ZNF385D: variants seen among roughly 807,000 people sequenced by gnomAD.
ZNF385D encodes zinc finger protein 385D, also known as zinc finger protein 659.
A neutral mutation model predicts 35.8 loss-of-function variants in ZNF385D; 15 were observed. The observed-to-expected ratio is 0.42, with a 90% confidence interval of 0.28 to 0.64. The LOEUF (loss-of-function observed/expected upper bound fraction) is 0.64. ZNF385D is among the 30% of genes least tolerant of loss of function. The pLI is 0.23. For synonymous variants in ZNF385D, 212 were observed against 186.8 expected, an observed-to-expected ratio of 1.13 and a Z score of -1.10; for missense variants, 474 against 494.6, an observed-to-expected ratio of 0.96 and a Z score of 0.39.
intron 3 of ZNF385D, among the ~76,000 whole-genome samples, chr3:22,050,522 C>A (rs1380651078): frequency 1.3e-5 from 2 of 152,234 alleles, no homozygotes; most frequent in East Asian, 3.9e-4. Context: ...TTTGGTTGTT[C>A]TTTATTGGTC....
At chr3:22,123,600 C>T (rs145777898) in intron 3 of ZNF385D, among the ~76,000 whole-genome samples, 2 of 152,164 alleles carry the variant, frequency 1.3e-5, no homozygotes, top group African/African-American at 4.8e-5. Flanking sequence ...TGGCTGACGC[C>T]TTTAATCCCA....
intron 3 of ZNF385D, among the ~76,000 whole-genome samples, chr3:22,098,279 T>C (rs1244188497): frequency 1.3e-5 from 2 of 152,086 alleles, no homozygotes; most frequent in Admixed American, 6.6e-5. Flanking sequence ...ACCATTCAAG[T>C]TGACTTTATT....
intron 3 of ZNF385D, among the ~76,000 whole-genome samples, chr3:21,860,398 T>C (rs1475666401): frequency 6.6e-6 from 1 of 152,110 alleles, no homozygotes; most frequent in African/African-American, 2.4e-5. Context: ...CCCCCATATA[T>C]CTACATGTTT....
chr3:21,883,505 T>C (rs1267173404), intron 3 of ZNF385D, among the ~76,000 whole-genome samples: 2 of 152,140 alleles, frequency 1.3e-5, no homozygotes, highest in East Asian at 1.9e-4. Context: ...TAAACATTTG[T>C]TATCATGTGA....
At chr3:22,018,854 A>G (rs1318655916) in intron 3 of ZNF385D, among the ~76,000 whole-genome samples, 3 of 151,800 alleles carry the variant, frequency 2.0e-5, no homozygotes, top group Non-Finnish European at 1.5e-5. Flanking sequence ...GTGGAGTTTA[A>G]TTGCTAATTT....
intron 2 of ZNF385D, among the ~76,000 whole-genome samples, chr3:21,632,729 G>T (rs907917159): frequency 6.6e-6 from 1 of 152,090 alleles, no homozygotes; most frequent in African/African-American, 2.4e-5. Context: ...TTTGTAGTGG[G>T]TCATACATCA....
intron 2 of ZNF385D, among the ~76,000 whole-genome samples, chr3:22,268,411 T>A (rs1701005362): frequency 1.3e-5 from 2 of 152,038 alleles, no homozygotes; most frequent in South Asian, 4.1e-4. Context: ...ATGTTATACA[T>A]GTTATTAATT....
intron 2 of ZNF385D, among the ~76,000 whole-genome samples, chr3:22,262,355 A>G (rs936729370): frequency 6.6e-6 from 1 of 151,998 alleles, no homozygotes; most frequent in African/African-American, 2.4e-5. Flanking sequence ...GGTAAGAAAT[A>G]AAGACCAAGA....
chr3:22,192,186 C>T (rs571303057), intron 2 of ZNF385D, among the ~76,000 whole-genome samples: 1 of 152,108 alleles, frequency 6.6e-6, no homozygotes, highest in Non-Finnish European at 1.5e-5. Flanking sequence ...TGAGCCACAC[C>T]AGGTCAGAGA....
intron 3 of ZNF385D, among the ~76,000 whole-genome samples, chr3:21,783,187 T>A (rs9818002): frequency 0.26 from 39,960 of 152,064 alleles, 5,442 homozygotes; most frequent in East Asian, 0.41. Flanking sequence ...AGATTGTAAA[T>A]ACATGGCATC....
At chr3:22,032,802 T>A (rs1478771579) in intron 3 of ZNF385D, among the ~76,000 whole-genome samples, 1 of 152,168 alleles carries the variant, frequency 6.6e-6, no homozygotes, top group Non-Finnish European at 1.5e-5. Flanking sequence ...TGCTTTGGAC[T>A]GATTTGCATG....
Position 21,677,280 on chromosome 3 carries a change from G to C in ZNF385D, c.23-12252C>G, listed in dbSNP as rs374683773. 3.0e-4 allele frequency among the ~76,000 whole-genome samples: 45 copies of C among 152,142 alleles called. 1 individual carries two copies. The highest frequency in any genetic ancestry group is 9.2e-4 in the African/African-American group (38 of 41,522). ...AGCACTGACCAGAAGTCCAAGATCAGAGGCCAAGGTTAATGAGAAAACACA... is the reference window on the plus strand; with the variant it reads ...AGCACTGACCAGAAGTCCAAGATCACAGGCCAAGGTTAATGAGAAAACACA... On this transcript the variant is annotated intron_variant, in intron 1 of 7. Transcript: ENST00000281523.
chr3:21,802,268 G>A (rs1305794802), intron 3 of ZNF385D, among the ~76,000 whole-genome samples: 1 of 152,078 alleles, frequency 6.6e-6, no homozygotes, highest in Non-Finnish European at 1.5e-5. Flanking sequence ...AAAAAGTGGG[G>A]AATAAGTAAA....
intron 3 of ZNF385D, among the ~76,000 whole-genome samples, chr3:21,515,543 C>A (rs1707502976): frequency 6.6e-6 from 1 of 152,094 alleles, no homozygotes; most frequent in Admixed American, 6.6e-5. Context: ...GGACATGCCA[C>A]CCCAAAACAT....
intron 3 of ZNF385D, among the ~76,000 whole-genome samples, chr3:21,559,801 C>A (rs1047776911): frequency 1.3e-5 from 2 of 152,212 alleles, no homozygotes; most frequent in African/African-American, 4.8e-5. Context: ...GTACACCAAT[C>A]AAACGTAGGT....
intron 3 of ZNF385D, among the ~76,000 whole-genome samples, chr3:21,919,501 G>T (rs1313544610): frequency 6.6e-6 from 1 of 152,152 alleles, no homozygotes. Flanking sequence ...TTCAAAAAAG[G>T]TAAGCAAAAC....
rs1559743260 is a variant in ZNF385D, at chr3:21,908,119, TATCTATC to T, written c.326-243098_326-243092del. 1.5e-4 allele frequency among the ~76,000 whole-genome samples: 4 copies of T among 26,858 alleles called. No homozygotes were observed. In the South Asian group the frequency reaches 3.1e-3, roughly 21 times the overall value. The allele number at this position is 26,858 out of a possible 152,430, so 17.6% of individuals were successfully genotyped here. ...CTATATCTATATATCTTTCTCTCTA[TATCTATC>T]TATCTATCTATCTATCTATCTATCT... On this transcript the variant is annotated intron_variant, in intron 3 of 5. Transcript: ENST00000494108.
chr3:22,365,507 G>C (rs1696616422), intron 2 of ZNF385D, among the ~76,000 whole-genome samples: 1 of 151,730 alleles, frequency 6.6e-6, no homozygotes, highest in East Asian at 1.9e-4. Context: ...TTTTTTGTTT[G>C]CAAACAAACT....
intron 3 of ZNF385D, among the ~76,000 whole-genome samples, chr3:21,758,021 G>A (rs1277426777): frequency 6.6e-6 from 1 of 152,076 alleles, no homozygotes; most frequent in Non-Finnish European, 1.5e-5. Context: ...GCCCTTTTCT[G>A]TTCCCCTTTA....
Sources: gnomAD v4.1 joint callset for allele counts (sites outside exome capture counted in the v4.1 genomes callset) on GRCh38, gnomAD v4.1.1 for gene constraint, MANE v1.5 for transcripts, NCBI Gene and HGNC (gene_info 2026-07-23, HGNC 2026-07-21) for gene names.